Variants in ZNF77 observed in about 807,000 individuals in gnomAD.
ZNF77 encodes zinc finger protein 77, also known as ZNFpT1.
In ZNF77, 15 loss-of-function variants were observed where a neutral mutation model predicts 13.5. That is an observed-to-expected ratio of 1.11 (90% confidence interval 0.74 to 1.71). The LOEUF is 1.71. Ranked by LOEUF, ZNF77 falls within the 40% of genes most tolerant of loss-of-function variation. ZNF77 has a pLI of 0.00. For synonymous variants in ZNF77, 282 were observed against 250.0 expected, an observed-to-expected ratio of 1.13 and a Z score of -1.21; for missense variants, 717 against 676.4, an observed-to-expected ratio of 1.06 and a Z score of -0.67.
intron 3 of ZNF77, 88 bp from the exon 4 acceptor site, chr19:2,934,903 T>C: frequency 6.7e-7 from 1 of 1,485,560 alleles, no homozygotes; most frequent in Non-Finnish European, 9.0e-7. Flanking sequence ...TTTGATTACA[T>C]TATTTGCCAA....
At chr19:2,936,201 G>C (rs1192919911) in intron 3 of ZNF77, among the ~76,000 whole-genome samples, 1 of 151,850 alleles carries the variant, frequency 6.6e-6, no homozygotes, top group Non-Finnish European at 1.5e-5. Flanking sequence ...AGGCTGGAGT[G>C]CAATGGTGCG....
At chr19:2,942,112 C>G (rs1229446821) in intron 1 of ZNF77, among the ~76,000 whole-genome samples, 1 of 151,250 alleles carries the variant, frequency 6.6e-6, no homozygotes, top group South Asian at 2.1e-4. Context: ...TGCTCCGTCT[C>G]CCAGGCTGGA....
chr19:2,935,297 T>A (rs1336086482), intron 3 of ZNF77, among the ~76,000 whole-genome samples: 1 of 141,846 alleles, frequency 7.0e-6, no homozygotes. Flanking sequence ...GGATTACAGG[T>A]GTGAGCCACC....
intron 2 of ZNF77, among the ~76,000 whole-genome samples, chr19:2,938,575 T>G (rs1360120557): frequency 1.3e-5 from 2 of 152,174 alleles, no homozygotes; most frequent in African/African-American, 4.8e-5. Flanking sequence ...TGGAGAAGCA[T>G]TTTGACTCCC....
chr19:2,936,382 C>T, intron 3 of ZNF77, 142 bp downstream of exon 3: 1 of 809,744 alleles, frequency 1.2e-6, no homozygotes, highest in African/African-American at 1.8e-5. Flanking sequence ...CTACTAACCT[C>T]AGGTGATCCA....
chr19:2,940,193 C>A (rs1430185328), intron 1 of ZNF77, among the ~76,000 whole-genome samples: 1 of 151,590 alleles, frequency 6.6e-6, no homozygotes, highest in Non-Finnish European at 1.5e-5. Context: ...TTTAAAAATA[C>A]AACTATGAAG....
At position 2,934,596 on chromosome 19, in the gene ZNF77, T is replaced by G. The variant is rs775325913; in HGVS notation, c.531A>C (p.Gln177His). The G allele has an allele frequency of 6.2e-7, 1 of 1,614,146 alleles. No individual in the cohort carries two copies. Among genetic ancestry groups the G allele is most frequent in the East Asian group, 2.2e-5 (1 of 44,882 alleles). The change falls in exon 4 of 4, where the codon CAA becomes CAC. Residue 177 changes from glutamine (Q) to histidine (H), a missense_variant. Gln to His is a conservative substitution (Grantham distance 24). Transcript: ENST00000314531. ...CAGTCTGCGTTTTCATAGGAGGGCT[T>G]TGGCAGGAGAGGCAGCTGCAGGCTT... ...CGQACSCLSC[Q>H]SPPMKTQTVE...
rs770172302 is a variant in ZNF77, at chr19:2,936,634, A to G, written c.201T>C (p.Asn67=). 3 of 1,610,766 alleles carry G rather than the reference A, an allele frequency of 1.9e-6. No homozygotes were observed. The highest frequency in any genetic ancestry group is 1.1e-5 in the South Asian group (1 of 89,890). The change falls in exon 3 of 4, where the codon AAT becomes AAC. Residue 67 remains asparagine (N), a synonymous_variant. Transcript: ENST00000314531. ...QRDVFGNGIS[N]DEEIVKFTGS... is the part of the protein sequence containing the mutation. ...CTGTGAACTTTACAATCTCTTCATC[A>G]TTGGATATTCCATTCCCAAAAACGT...
intron 1 of ZNF77, 171 bp from the exon 2 acceptor site, chr19:2,939,578 C>T: frequency 1.2e-6 from 1 of 847,880 alleles, no homozygotes; most frequent in Non-Finnish European, 1.8e-6. Context: ...TGAGTACCTT[C>T]CCAACAGGGA....
intron 1 of ZNF77, among the ~76,000 whole-genome samples, chr19:2,943,400 G>A (rs1050833328): frequency 6.6e-6 from 1 of 151,684 alleles, no homozygotes; most frequent in Non-Finnish European, 1.5e-5. Flanking sequence ...GCAGCCTCCC[G>A]TTTCTTCCCC....
At position 2,942,272 on chromosome 19, in the gene ZNF77, A is replaced by G. The variant is rs144282729; in HGVS notation, c.3+2566T>C. On this transcript the variant is annotated intron_variant, in intron 1 of 3. Transcript: ENST00000314531. ...TTTTTAGTAGAGACGGGGTTTCCCC[A>G]TGTCAATCAGGGTGGTCTTGAATTC... Among the ~76,000 whole-genome samples, 1,144 of 151,438 alleles carry G rather than the reference A, an allele frequency of 7.6e-3. 14 individuals carry two copies. Among genetic ancestry groups the G allele is most frequent in the African/African-American group, 0.026 (1,089 of 41,256 alleles).
At chr19:2,941,929 G>A (rs889860460) in intron 1 of ZNF77, among the ~76,000 whole-genome samples, 10 of 152,000 alleles carry the variant, frequency 6.6e-5, no homozygotes, top group African/African-American at 1.2e-4. Flanking sequence ...AAGATGCAAC[G>A]TCTTCCGAGT....
intron 2 of ZNF77, among the ~76,000 whole-genome samples, 190 bp downstream of exon 2, chr19:2,939,091 T>A (rs1349088198): frequency 9.1e-6 from 1 of 110,162 alleles, no homozygotes; most frequent in African/African-American, 3.2e-5. Flanking sequence ...AGTGAGGGAA[T>A]GACGCCACCC....
At chr19:2,935,317 C>CT (rs1252033488) in intron 3 of ZNF77, among the ~76,000 whole-genome samples, 6,613 of 106,076 alleles carry the variant, frequency 0.062, 938 homozygotes, top group African/African-American at 0.24. Flanking sequence ...CACACCCAGC[C>CT]TTTTTTTTTT....
In ZNF77 at chr19:2,933,525, C is replaced by G; in HGVS notation, c.1602G>C (p.Ser534=). 1 of 1,596,356 alleles carries G rather than the reference C, an allele frequency of 6.3e-7. No homozygotes were observed. Among genetic ancestry groups the G allele is most frequent in the South Asian group, 1.1e-5 (1 of 88,806 alleles). ...QCGKTFRYLA[S]LQAHVRTHAG... Reference sequence around the variant, plus strand: ...CATGTGTTCTCACATGTGCTTGAAGCGATGCGAGATACCTGAAGGTTTTCC... The same window carrying G: ...CATGTGTTCTCACATGTGCTTGAAGGGATGCGAGATACCTGAAGGTTTTCC... Residue 534 remains serine (S), a synonymous_variant, in exon 4 of 4, where the codon TCG becomes TCC. Coordinates refer to ENST00000314531, the MANE Select transcript of ZNF77 (RefSeq NM_021217.3).
At chr19:2,938,599 G>A (rs1041440660) in intron 2 of ZNF77, among the ~76,000 whole-genome samples, 3 of 152,206 alleles carry the variant, frequency 2.0e-5, no homozygotes, top group African/African-American at 7.2e-5. Flanking sequence ...TTCCATGGGT[G>A]TTGGGATCAT....
At position 2,934,176 on chromosome 19, in the gene ZNF77, C is replaced by A. The variant is rs761515926; in HGVS notation, c.951G>T (p.Thr317=). ...ACTGACAGGGTTTCTCTCCAGTGTG[C>A]GTCCTCACGTGATCTCTAAAGGAGG... The part of the protein sequence containing the change: ...CYSSFRDHVR[T]HTGEKPCQCK... The change falls in exon 4 of 4, where the codon ACG becomes ACT. Residue 317 remains threonine, a synonymous_variant. Coordinates refer to ENST00000314531, the MANE Select transcript of ZNF77 (RefSeq NM_021217.3). The A allele has an allele frequency of 1.7e-5, 28 of 1,614,108 alleles. No individual in the cohort carries two copies. Among genetic ancestry groups the A allele is most frequent in the Non-Finnish European group, 2.2e-5 (26 of 1,179,996 alleles).
chr19:2,935,317 CT>C (rs1252033488), intron 3 of ZNF77, among the ~76,000 whole-genome samples: 434 of 106,074 alleles, frequency 4.1e-3, no homozygotes, highest in Middle Eastern at 6.9e-3. Flanking sequence ...CACACCCAGC[CT>C]TTTTTTTTTT....
Position 2,934,128 on chromosome 19 carries a change from G to A in ZNF77, c.999C>T (p.Phe333=). The A allele has an allele frequency of 6.2e-7, 1 of 1,613,794 alleles. No homozygotes were observed. Among genetic ancestry groups the A allele is most frequent in the African/African-American group, 1.3e-5 (1 of 74,878 alleles). ...PCQCKHCGKA[F]TCYSSLREHG... ...GTTCTCGAAGAGACGAGTAACAAGT[G>A]AACGCTTTTCCGCAATGTTTACACT... is the stretch of plus-strand genomic sequence containing the variant. Residue 333 remains phenylalanine, a synonymous_variant, in exon 4 of 4, where the codon TTC becomes TTT. Coordinates refer to ENST00000314531, the MANE Select transcript of ZNF77 (RefSeq NM_021217.3).
Sources: gnomAD v4.1 joint callset for allele counts (sites outside exome capture counted in the v4.1 genomes callset) on GRCh38, gnomAD v4.1.1 for gene constraint, MANE v1.5 for transcripts, NCBI Gene and HGNC (gene_info 2026-07-23, HGNC 2026-07-21) for gene names.